Variants in SLC35F1 observed in about 807,000 individuals in gnomAD.
SLC35F1 encodes solute carrier family 35 member F1.
In SLC35F1, 14 loss-of-function variants were observed where a neutral mutation model predicts 48.7. That is an observed-to-expected ratio of 0.29 (90% CI 0.19 to 0.45). The LOEUF (loss-of-function observed/expected upper bound fraction) is 0.45, where lower values mean the gene tolerates loss of function less well. Ranked by LOEUF, SLC35F1 falls within the 20% of genes least tolerant of loss-of-function variation. The pLI is 1.00. For missense variants in SLC35F1, 404 were observed against 500.0 expected (o/e 0.81, Z 1.83); for synonymous variants, 190 against 202.2 (o/e 0.94, Z 0.51).
intron 1 of SLC35F1, among the ~76,000 whole-genome samples, chr6:118,104,439 G>A (rs994433840): frequency 1.3e-5 from 2 of 152,228 alleles, no homozygotes; most frequent in Non-Finnish European, 2.9e-5. Context: ...ATGGATTTCA[G>A]ATAATACATA....
intron 1 of SLC35F1, among the ~76,000 whole-genome samples, chr6:118,003,624 C>T (rs1262163834): frequency 3.3e-5 from 5 of 152,172 alleles, no homozygotes; most frequent in Admixed American, 1.3e-4. Context: ...GTTTTCTCAT[C>T]GGTAAATGGA....
chr6:118,030,889 CTAAGTAGGTCT>C (rs1272520291), intron 1 of SLC35F1, among the ~76,000 whole-genome samples: 2 of 152,098 alleles, frequency 1.3e-5, no homozygotes, highest in African/African-American at 4.8e-5. Context: ...TAAATGTCCT[CTAAGTAGGTCT>C]TAATTTTTTT....
intron 1 of SLC35F1, among the ~76,000 whole-genome samples, chr6:118,077,999 T>G (rs1772846930): frequency 6.6e-6 from 1 of 152,184 alleles, no homozygotes; most frequent in Non-Finnish European, 1.5e-5. Context: ...TAAAAGACTA[T>G]GTCAGAAGGC....
intron 2 of SLC35F1, among the ~76,000 whole-genome samples, chr6:118,185,176 C>A (rs573390558): frequency 5.3e-5 from 8 of 152,292 alleles, no homozygotes; most frequent in African/African-American, 1.7e-4. Context: ...TTTCTTCCCC[C>A]TAGCTCTTCT....
At chr6:118,149,022 C>T (rs1774016617) in intron 1 of SLC35F1, among the ~76,000 whole-genome samples, 1 of 152,178 alleles carries the variant, frequency 6.6e-6, no homozygotes, top group Non-Finnish European at 1.5e-5. Context: ...ACTCTTTCAT[C>T]CTGTGTTTAT....
At chr6:118,235,414 AAT>A (rs989744009) in intron 2 of SLC35F1, 93 bp from the exon 3 acceptor site, 4 of 1,183,834 alleles carry the variant, frequency 3.4e-6, no homozygotes, top group Non-Finnish European at 4.7e-6. Context: ...TTAGGTTAAA[AAT>A]ATATAATGTT....
At chr6:118,027,171 A>G (rs1771971135) in intron 1 of SLC35F1, among the ~76,000 whole-genome samples, 1 of 151,952 alleles carries the variant, frequency 6.6e-6, no homozygotes, top group Admixed American at 6.6e-5. Flanking sequence ...ATTCCATTTT[A>G]TTTGCTTATC....
At chr6:118,254,496 G>T (rs577869771) in intron 3 of SLC35F1, among the ~76,000 whole-genome samples, 2 of 152,088 alleles carry the variant, frequency 1.3e-5, no homozygotes, top group Admixed American at 1.3e-4. Flanking sequence ...TGCCCAGGCT[G>T]GTCTTGAACT....
intron 7 of SLC35F1, among the ~76,000 whole-genome samples, chr6:118,289,888 T>C (rs904725134): frequency 6.6e-6 from 1 of 152,248 alleles, no homozygotes; most frequent in African/African-American, 2.4e-5. Context: ...TTTTAATGGC[T>C]ACACAGCATG....
intron 2 of SLC35F1, among the ~76,000 whole-genome samples, chr6:118,207,813 A>C (rs1399256946): frequency 6.6e-6 from 1 of 152,170 alleles, no homozygotes; most frequent in African/African-American, 2.4e-5. Context: ...CCTTAATTGC[A>C]GATAAAGACC....
intron 1 of SLC35F1, among the ~76,000 whole-genome samples, chr6:118,004,050 G>A (rs2355795): frequency 0.99 from 151,485 of 152,360 alleles, 75,312 homozygotes; most frequent in Middle Eastern, 1. Context: ...ACCAATGTAA[G>A]TCACTAAGAT....
intron 2 of SLC35F1, among the ~76,000 whole-genome samples, chr6:118,201,565 G>A (rs942594433): frequency 6.6e-6 from 1 of 152,162 alleles, no homozygotes; most frequent in Non-Finnish European, 1.5e-5. Flanking sequence ...TTGAATGAAT[G>A]AGTAACATCA....
At chr6:118,054,576 G>T (rs1003359563) in intron 1 of SLC35F1, among the ~76,000 whole-genome samples, 1 of 152,128 alleles carries the variant, frequency 6.6e-6, no homozygotes, top group Non-Finnish European at 1.5e-5. Flanking sequence ...GGCAAAAAAA[G>T]GTGATGTGGG....
At chr6:118,221,598 G>C (rs1775151607) in intron 2 of SLC35F1, among the ~76,000 whole-genome samples, 1 of 152,182 alleles carries the variant, frequency 6.6e-6, no homozygotes, top group Non-Finnish European at 1.5e-5. Flanking sequence ...CTACTTCATA[G>C]CTAAACCCTC....
chr6:118,027,420 G>A (rs976889882), intron 1 of SLC35F1, among the ~76,000 whole-genome samples: 1 of 152,134 alleles, frequency 6.6e-6, no homozygotes, highest in Admixed American at 6.5e-5. Flanking sequence ...GTGTATGAGA[G>A]TTTAGTTCCA....
rs1582628182 is a variant in SLC35F1, at chr6:118,030,664, A to G, written c.173+122765A>G. ...AGATGGAAAACACAATCATCCCCCT[A>G]TGTTTATGGGTTTCACACCAAATAA... On this transcript the variant is annotated intron_variant, in intron 1 of 7. Transcript: ENST00000360388. 2.6e-5 allele frequency among the ~76,000 whole-genome samples: 4 copies of G among 152,264 alleles called. No homozygotes were observed. In the East Asian group the frequency reaches 5.8e-4, roughly 22 times the overall value.
intron 1 of SLC35F1, among the ~76,000 whole-genome samples, chr6:117,966,131 G>GGCCCC (rs1184701438): frequency 2.0e-5 from 2 of 101,168 alleles, no homozygotes; most frequent in African/African-American, 4.2e-5. Flanking sequence ...GCAGGCCACC[G>GGCCCC]CCCCCCCCCC....
intron 2 of SLC35F1, among the ~76,000 whole-genome samples, chr6:118,230,808 C>T (rs1775283087): frequency 1.3e-5 from 2 of 152,030 alleles, no homozygotes; most frequent in African/African-American, 4.8e-5. Context: ...CATGGCAAAA[C>T]CCCATCTCTA....
chr6:118,170,574 G>A (rs555196916), intron 2 of SLC35F1, among the ~76,000 whole-genome samples: 3 of 152,142 alleles, frequency 2.0e-5, no homozygotes, highest in African/African-American at 7.2e-5. Flanking sequence ...CAAGTAGCTG[G>A]GACTATAGGT....
Sources: allele counts gnomAD v4.1 joint callset (sites outside exome capture counted in the v4.1 genomes callset), GRCh38; gene constraint gnomAD v4.1.1; transcripts MANE v1.5; gene names NCBI Gene and HGNC (gene_info 2026-07-23, HGNC 2026-07-21).